Variants in CDH18 observed in about 807,000 individuals in gnomAD.
CDH18 encodes cadherin 18, also known as cadherin-18.
A neutral mutation model predicts 67.9 loss-of-function variants in CDH18; 31 were observed. The observed-to-expected ratio is 0.46, with a 90% CI of 0.34 to 0.62. The LOEUF (loss-of-function observed/expected upper bound fraction) is 0.62. Ranked by LOEUF, CDH18 falls within the 20% of genes least tolerant of loss-of-function variation. The pLI is 0.01. For synonymous variants in CDH18, 362 were observed against 347.2 expected (o/e 1.04, Z -0.48); for missense variants, 890 against 975.5 (o/e 0.91, Z 1.17).
chr5:19,726,773 TA>T (rs1478502748), intron 4 of CDH18, among the ~76,000 whole-genome samples: 8 of 152,228 alleles, frequency 5.3e-5, no homozygotes, highest in Admixed American at 4.6e-4. Context: ...TGCTATAGGC[TA>T]AATGCTCATA....
chr5:20,449,740 A>G (rs555980057), intron 1 of CDH18, among the ~76,000 whole-genome samples: 169 of 152,166 alleles, frequency 1.1e-3, no homozygotes, highest in African/African-American at 4.0e-3. Context: ...TACAATTCAT[A>G]TTCCATAGCT....
In CDH18 at chr5:19,552,378, G is replaced by A. The variant is rs565874730; in HGVS notation, c.1254-8373C>T. Among the ~76,000 whole-genome samples the A allele has an allele frequency of 2.0e-5, 3 of 152,226 alleles. No homozygotes were observed. The South Asian group carries it at 6.2e-4, about 32-fold the overall frequency. On this transcript the variant is annotated intron_variant, in intron 8 of 12. Transcript: ENST00000382275. ...TGTAATACAATTATTGACTGTGAAAGCTCATCTTTTAGACTTCAGTTTAAA... is the reference window on the plus strand; with the variant it reads ...TGTAATACAATTATTGACTGTGAAAACTCATCTTTTAGACTTCAGTTTAAA...
intron 5 of CDH18, among the ~76,000 whole-genome samples, chr5:19,707,504 G>A (rs924277723): frequency 5.3e-5 from 8 of 152,094 alleles, no homozygotes; most frequent in Non-Finnish European, 7.4e-5. Context: ...GATAGCTCTT[G>A]GATGTTCAGT....
At chr5:20,046,084 G>C (rs1291262442) in intron 2 of CDH18, among the ~76,000 whole-genome samples, 1 of 151,960 alleles carries the variant, frequency 6.6e-6, no homozygotes, top group Non-Finnish European at 1.5e-5. Context: ...AAAATGTAGA[G>C]ACTTTAGGAT....
At chr5:19,797,214 T>A (rs1776955435) in intron 3 of CDH18, among the ~76,000 whole-genome samples, 1 of 151,688 alleles carries the variant, frequency 6.6e-6, no homozygotes, top group East Asian at 1.9e-4. Flanking sequence ...CCATGTAAAT[T>A]TTTTTTTATA....
At chr5:19,973,917 A>G (rs1798259524) in intron 2 of CDH18, among the ~76,000 whole-genome samples, 1 of 152,070 alleles carries the variant, frequency 6.6e-6, no homozygotes, top group Non-Finnish European at 1.5e-5. Flanking sequence ...AACAACATCT[A>G]CTGATTTACA....
chr5:19,751,455 G>A (rs1407747152), intron 3 of CDH18, among the ~76,000 whole-genome samples: 1 of 152,112 alleles, frequency 6.6e-6, no homozygotes, highest in Non-Finnish European at 1.5e-5. Flanking sequence ...CAGAAATATA[G>A]TAATTCCACT....
intron 8 of CDH18, among the ~76,000 whole-genome samples, chr5:19,569,145 T>C (rs62349535): frequency 0.058 from 8,865 of 152,302 alleles, 292 homozygotes; most frequent in Non-Finnish European, 0.074. Flanking sequence ...TTGGCATTGC[T>C]GCCAGGATTA....
intron 1 of CDH18, among the ~76,000 whole-genome samples, chr5:20,306,830 TTTA>T (rs1159651122): frequency 1.3e-5 from 2 of 151,122 alleles, no homozygotes; most frequent in Admixed American, 6.6e-5. Flanking sequence ...TATGGAATAA[TTTA>T]TTGATTTAAT....
intron 11 of CDH18, among the ~76,000 whole-genome samples, chr5:19,496,831 A>G (rs945196348): frequency 1.6e-4 from 24 of 150,102 alleles, no homozygotes; most frequent in Non-Finnish European, 2.8e-4. Flanking sequence ...AAAAAAAAAA[A>G]GGCTTTCAGG....
rs550809980 is a variant in CDH18, at chr5:19,819,883, C to T, written c.228+18876G>A. ...CTTTTTAGCTGGCCCCTCCCGAGGT[C>T]CCTGCCTGGCCACTCCCATAAGAGG... On this transcript the variant is annotated intron_variant, in intron 3 of 12. Transcript: ENST00000382275. Among the ~76,000 whole-genome samples the T allele has an allele frequency of 5.9e-5, 9 of 152,218 alleles. No individual in the cohort carries two copies. In the East Asian group the frequency reaches 1.7e-3, roughly 30 times the overall value.
chr5:20,469,084 G>A (rs1751869372), intron 1 of CDH18, among the ~76,000 whole-genome samples: 1 of 152,112 alleles, frequency 6.6e-6, no homozygotes. Context: ...GCAACAGGAA[G>A]GCAGCAAGTG....
chr5:20,167,991 A>C (rs1736423087), intron 2 of CDH18, among the ~76,000 whole-genome samples: 1 of 152,172 alleles, frequency 6.6e-6, no homozygotes, highest in Admixed American at 6.5e-5. Context: ...GCAAATACCT[A>C]GCACAGAATA....
intron 1 of CDH18, among the ~76,000 whole-genome samples, chr5:20,483,377 C>A (rs1433045370): frequency 6.6e-6 from 1 of 151,724 alleles, no homozygotes. Context: ...CAATTCCTAC[C>A]AAAATAACAA....
chr5:20,568,522 G>T (rs1758638221), intron 1 of CDH18, among the ~76,000 whole-genome samples: 1 of 151,968 alleles, frequency 6.6e-6, no homozygotes, highest in African/African-American at 2.4e-5. Context: ...TAAGACCTCT[G>T]CCAGCCAACA....
At chr5:19,729,413 C>A (rs1767296515) in intron 4 of CDH18, among the ~76,000 whole-genome samples, 1 of 152,198 alleles carries the variant, frequency 6.6e-6, no homozygotes, top group Non-Finnish European at 1.5e-5. Flanking sequence ...CCAGCCCTAT[C>A]TATTTTGATA....
chr5:20,480,360 T>C (rs1265184112), intron 1 of CDH18, among the ~76,000 whole-genome samples: 1 of 152,092 alleles, frequency 6.6e-6, no homozygotes, highest in Non-Finnish European at 1.5e-5. Context: ...TATAACAAGA[T>C]AATAATAGTA....
At chr5:20,020,983 C>T (rs1738365178) in intron 2 of CDH18, among the ~76,000 whole-genome samples, 1 of 151,554 alleles carries the variant, frequency 6.6e-6, no homozygotes, top group African/African-American at 2.4e-5. Context: ...CCTTGCAGAG[C>T]CACCGGGGTG....
chr5:20,262,080 G>C (rs971852993), intron 1 of CDH18, among the ~76,000 whole-genome samples: 57 of 152,154 alleles, frequency 3.7e-4, no homozygotes, highest in African/African-American at 1.3e-3. Flanking sequence ...AATATAATTA[G>C]GATGCAATAA....
Sources: gnomAD v4.1 joint callset for allele counts (sites outside exome capture counted in the v4.1 genomes callset) on GRCh38, gnomAD v4.1.1 for gene constraint, MANE v1.5 for transcripts, NCBI Gene and HGNC (gene_info 2026-07-23, HGNC 2026-07-21) for gene names.